The following PALLD variants were observed in gnomAD, a reference collection of about 807,000 sequenced individuals.
PALLD encodes the protein palladin, cytoskeletal associated protein, also known as palladin.
Under a neutral mutation model 123.5 loss-of-function variants are expected in PALLD, and 61 were observed. That is an observed-to-expected ratio of 0.49 (90% CI 0.40 to 0.61). The LOEUF (loss-of-function observed/expected upper bound fraction) is 0.61. Among genes scored for constraint, PALLD ranks in the 20% least tolerant of loss-of-function variants. PALLD has a pLI of 0.00. For missense variants in PALLD, 1,273 were observed against 1,377.0 expected (o/e 0.92, Z 1.20); for synonymous variants, 465 against 496.4 (o/e 0.94, Z 0.84).
chr4:168,797,469 C>G (rs1017721601), intron 10 of PALLD, among the ~76,000 whole-genome samples: 1 of 152,064 alleles, frequency 6.6e-6, no homozygotes, highest in Non-Finnish European at 1.5e-5. Context: ...TCAGATCACC[C>G]TCAATTACAT....
At chr4:168,712,652 A>G (rs1784945516) in intron 10 of PALLD, among the ~76,000 whole-genome samples, 1 of 152,224 alleles carries the variant, frequency 6.6e-6, no homozygotes, top group African/African-American at 2.4e-5. Flanking sequence ...GGGTTCTACC[A>G]TAGCGCAAGA....
At chr4:168,922,715 A>C (rs935328922) in intron 18 of PALLD, among the ~76,000 whole-genome samples, 1 of 152,246 alleles carries the variant, frequency 6.6e-6, no homozygotes, top group Admixed American at 6.5e-5. Flanking sequence ...CATGCTTTCA[A>C]GTTTTGTACA....
At chr4:168,817,482 T>C (rs1199699602) in intron 10 of PALLD, among the ~76,000 whole-genome samples, 1 of 152,172 alleles carries the variant, frequency 6.6e-6, no homozygotes, top group Non-Finnish European at 1.5e-5. Context: ...TTAAATATGT[T>C]GATAGTTACT....
At position 168,752,162 on chromosome 4, in the gene PALLD, C is replaced by T. The variant is rs144546344; in HGVS notation, c.1964+40239C>T. 4.2e-3 allele frequency among the ~76,000 whole-genome samples: 640 copies of T among 152,332 alleles called. 3 individuals are homozygous for T. Among genetic ancestry groups the T allele is most frequent in the Non-Finnish European group, 6.3e-3 (431 of 68,036 alleles). On this transcript the variant is annotated intron_variant, in intron 10 of 21. Coordinates refer to ENST00000505667, the MANE Select transcript of PALLD (RefSeq NM_001166108.2). ...CCGAGGCGGGTGGATTGCTTGAGCA[C>T]AGGAATTCAAGACCAGCCTGAGCAA...
intron 2 of PALLD, among the ~76,000 whole-genome samples, chr4:168,659,465 C>T (rs188234704): frequency 6.6e-6 from 1 of 152,220 alleles, no homozygotes; most frequent in Admixed American, 6.5e-5. Flanking sequence ...TGAAATCACC[C>T]GTGACATCCC....
chr4:168,784,691 A>C (rs749020462), intron 10 of PALLD, among the ~76,000 whole-genome samples: 2 of 152,182 alleles, frequency 1.3e-5, no homozygotes, highest in Non-Finnish European at 2.9e-5. Flanking sequence ...CTGTCAACCC[A>C]AGTTTGGGGT....
intron 13 of PALLD, among the ~76,000 whole-genome samples, chr4:168,897,782 T>C (rs1755534574): frequency 6.6e-6 from 1 of 151,836 alleles, no homozygotes; most frequent in Admixed American, 6.6e-5. Flanking sequence ...AAGGAAATTG[T>C]AGGATCCACC....
chr4:168,846,252 G>C (rs1746825867), intron 10 of PALLD, among the ~76,000 whole-genome samples: 1 of 152,312 alleles, frequency 6.6e-6, no homozygotes, highest in Middle Eastern at 3.4e-3. Flanking sequence ...CAGTCAAGGG[G>C]AAGTCTCAAG....
intron 10 of PALLD, among the ~76,000 whole-genome samples, chr4:168,779,502 C>CAT (rs1365816991): frequency 6.6e-6 from 1 of 150,592 alleles, no homozygotes; most frequent in African/African-American, 2.4e-5. Flanking sequence ...TATAAAAAAT[C>CAT]ATATATATAT....
At chr4:168,877,764 T>A in intron 10 of PALLD, 1 of 1,186,232 alleles carries the variant, frequency 8.4e-7, no homozygotes, top group East Asian at 4.1e-5. Flanking sequence ...CAAATCCGAC[T>A]GGAGCAGGAG....
In PALLD at chr4:168,898,529, A is replaced by G. The variant is rs780143134; in HGVS notation, c.2287A>G (p.Ser763Gly). 19 of 1,613,504 alleles carry G rather than the reference A, an allele frequency of 1.2e-5. No individual in the cohort carries two copies. The highest frequency in any genetic ancestry group is 1.6e-5 in the Non-Finnish European group (19 of 1,179,514). The change falls in exon 14 of 22, where the codon AGT (serine) becomes GGT (glycine). Residue 763 changes from serine to glycine, a missense_variant. Coordinates refer to ENST00000505667, the MANE Select transcript of PALLD (RefSeq NM_001166108.2). ...KVSSCEQRLI[S>G]EIEYRLERSP... ...CTCCAGCTGTGAACAGAGACTCATC[A>G]GTGAAATAGAGTACAGGCTAGAAAG... is the stretch of plus-strand genomic sequence containing the variant.
intron 2 of PALLD, among the ~76,000 whole-genome samples, chr4:168,525,865 C>T (rs1763994651): frequency 6.6e-6 from 1 of 152,116 alleles, no homozygotes; most frequent in Non-Finnish European, 1.5e-5. Flanking sequence ...GTGTTTCTAT[C>T]CTATTACAAA....
chr4:168,550,721 A>G (rs1704920654), intron 2 of PALLD, among the ~76,000 whole-genome samples: 1 of 152,220 alleles, frequency 6.6e-6, no homozygotes, highest in Admixed American at 6.5e-5. Flanking sequence ...CAAGCAAATT[A>G]GTCTCACTTA....
At chr4:168,718,640 C>T (rs1440075597) in intron 10 of PALLD, among the ~76,000 whole-genome samples, 1 of 152,162 alleles carries the variant, frequency 6.6e-6, no homozygotes, top group Non-Finnish European at 1.5e-5. Context: ...ACTCAGTAAC[C>T]AGTTGTCACT....
intron 16 of PALLD, 116 bp from the exon 17 acceptor site, chr4:168,915,779 G>A (rs1043914115): frequency 4.5e-5 from 35 of 771,646 alleles, no homozygotes; most frequent in Non-Finnish European, 7.3e-5. Flanking sequence ...TAGCTGTAGG[G>A]ATCAGATAAG....
chr4:168,685,579 C>T lies in PALLD; in HGVS notation c.1335+20C>T. Reference sequence around the variant, plus strand: ...ACAAAGGTCTGACATCTGGAAGTCTCATTCTCTGTGTTTGCTTTGGTCCTT... The same window carrying T: ...ACAAAGGTCTGACATCTGGAAGTCTTATTCTCTGTGTTTGCTTTGGTCCTT... On this transcript the variant is annotated intron_variant, in intron 6 of 21. Transcript: ENST00000505667. The T allele has an allele frequency of 6.6e-7, 1 of 1,522,996 alleles. No individual in the cohort carries two copies. The highest frequency in any genetic ancestry group is 1.4e-5 in the African/African-American group (1 of 73,096). The allele number at this position is 1,522,996 out of a possible 1,614,324, so 94.3% of individuals were successfully genotyped here.
intron 2 of PALLD, among the ~76,000 whole-genome samples, chr4:168,582,024 ATTATGTAATTTGGGCACCCTT>A (rs1345770345): frequency 6.6e-6 from 1 of 151,964 alleles, no homozygotes; most frequent in Admixed American, 6.6e-5. Flanking sequence ...TCCTTTCCCC[ATTATGTAATTTGGGCACCCTT>A]GTTGAAGACC....
In PALLD at chr4:168,709,812, G is replaced by T. The variant is rs1030281829; in HGVS notation, c.1621+665G>T. Among the ~76,000 whole-genome samples, 95 of 152,014 alleles carry T rather than the reference G, an allele frequency of 6.2e-4. 1 individual carries two copies. Among genetic ancestry groups the T allele is most frequent in the Admixed American group, 6.6e-4 (10 of 15,262 alleles). On this transcript the variant is annotated intron_variant, in intron 9 of 21. Coordinates refer to ENST00000505667, the MANE Select transcript of PALLD (RefSeq NM_001166108.2). Reference sequence around the variant, plus strand: ...GATGACAAACAAAAAGATAATGATCGTGTAGCAACTGAACACACAGGGGGC... The same window carrying T: ...GATGACAAACAAAAAGATAATGATCTTGTAGCAACTGAACACACAGGGGGC...
intron 10 of PALLD, among the ~76,000 whole-genome samples, chr4:168,839,640 C>T (rs1369163983): frequency 2.0e-5 from 3 of 152,042 alleles, no homozygotes; most frequent in Non-Finnish European, 4.4e-5. Flanking sequence ...ACTCCCAGGG[C>T]TCTGCCAGAC....
Sources: gnomAD v4.1 joint callset for allele counts (sites outside exome capture counted in the v4.1 genomes callset) on GRCh38, gnomAD v4.1.1 for gene constraint, MANE v1.5 for transcripts, NCBI Gene and HGNC (gene_info 2026-07-23, HGNC 2026-07-21) for gene names.